Variants in ARHGEF7 observed in about 807,000 individuals in gnomAD.
ARHGEF7 encodes PAK-interacting exchange factor beta.
In ARHGEF7, 33 loss-of-function variants were observed where a neutral mutation model predicts 109.8. That is an observed-to-expected ratio of 0.30 (90% CI 0.23 to 0.40). The LOEUF (loss-of-function observed/expected upper bound fraction) is 0.40. Among genes scored for constraint, ARHGEF7 ranks in the 10% least tolerant of loss-of-function variants. The pLI, the probability that ARHGEF7 is intolerant of heterozygous loss-of-function variation, is 1.00. For missense variants in ARHGEF7, 938 were observed against 1,098.5 expected, an observed-to-expected ratio of 0.85 and a Z score of 2.07; for synonymous variants, 458 against 424.6, an observed-to-expected ratio of 1.08 and a Z score of -0.97.
rs759442241 is a variant in ARHGEF7 at position 111,274,731 on chromosome 13, G to A, written c.1213G>A (p.Asp405Asn). 6.8e-7 allele frequency: 1 copy of A among 1,476,556 alleles called. No individual in the cohort carries two copies. Among genetic ancestry groups the A allele is most frequent in the African/African-American group, 1.5e-5 (1 of 68,686 alleles). 91.5% of individuals were successfully genotyped at this position (1,476,556 alleles called of 1,614,324 possible). A position where few individuals can be genotyped will look rare whatever the true frequency, so the allele number is the denominator to read the frequency against. ...AATTGTATGTTTCTTTTACTCAAAG[G>A]ATTATCATACAGATAGACAAGATAT... ...LLKELERHME[D>N]YHTDRQDIQK... Residue 405 changes from aspartate to asparagine, a missense_variant and splice_region_variant, in exon 11 of 22, where the codon GAT becomes AAT. Asp to Asn is a conservative substitution (Grantham distance 23). Transcript: ENST00000646102.
At chr13:111,295,942 CCT>C (rs1251899825) in intron 19 of ARHGEF7, among the ~76,000 whole-genome samples, 1 of 152,150 alleles carries the variant, frequency 6.6e-6, no homozygotes, top group African/African-American at 2.4e-5. Context: ...ATGAACTTAC[CCT>C]GTTTTTAGGC....
chr13:111,153,281 T>C (rs1208439444), intron 1 of ARHGEF7, among the ~76,000 whole-genome samples: 6 of 152,174 alleles, frequency 3.9e-5, no homozygotes, highest in Admixed American at 6.5e-5. Flanking sequence ...CTGCGTCCAC[T>C]TGGGAGAGGC....
chr13:111,260,985 A>G (rs1033889532), intron 8 of ARHGEF7, among the ~76,000 whole-genome samples: 15 of 152,200 alleles, frequency 9.9e-5, no homozygotes, highest in African/African-American at 2.9e-4. Context: ...GAAACATACA[A>G]TAGATCCATA....
intron 2 of ARHGEF7, among the ~76,000 whole-genome samples, chr13:111,163,403 T>C (rs141273170): frequency 2.6e-5 from 4 of 152,304 alleles, no homozygotes; most frequent in African/African-American, 9.6e-5. Flanking sequence ...ACAGCTAGAC[T>C]TCCCCCTTCG....
chr13:111,201,674 A>T (rs1180302620), intron 2 of ARHGEF7, among the ~76,000 whole-genome samples: 1 of 152,140 alleles, frequency 6.6e-6, no homozygotes, highest in Non-Finnish European at 1.5e-5. Flanking sequence ...TCCTGTCCTC[A>T]AGCATGTTCC....
intron 16 of ARHGEF7, among the ~76,000 whole-genome samples, chr13:111,284,137 AGT>A (rs971568741): frequency 4.6e-5 from 7 of 151,864 alleles, no homozygotes; most frequent in Admixed American, 3.3e-4. Flanking sequence ...TGGCGGTGAG[AGT>A]GTGGGTATCG....
chr13:111,124,402 C>T (rs188608173), intron 1 of ARHGEF7, among the ~76,000 whole-genome samples: 9 of 152,340 alleles, frequency 5.9e-5, no homozygotes, highest in Admixed American at 1.3e-4. Flanking sequence ...CTCCAGCAGC[C>T]GTGAGTCTCT....
At chr13:111,221,179 A>C in intron 5 of ARHGEF7, among the ~76,000 whole-genome samples, 1 of 83,282 alleles carries the variant, frequency 1.2e-5, no homozygotes, top group Non-Finnish European at 2.4e-5. Flanking sequence ...ATCTATATAG[A>C]TATATATGTC....
intron 3 of ARHGEF7, among the ~76,000 whole-genome samples, chr13:111,208,256 TCTG>T (rs1186764055): frequency 5.9e-5 from 9 of 152,180 alleles, no homozygotes; most frequent in African/African-American, 2.2e-4. Flanking sequence ...GTCAGGCTGG[TCTG>T]GAACTCCCAG....
In ARHGEF7 at chr13:111,115,613, C is replaced by T; in HGVS notation, c.87C>T (p.Gly29=). Residue 29 remains glycine, a synonymous_variant, in exon 1 of 22, where the codon GGC becomes GGT. Coordinates refer to ENST00000646102, the MANE Select transcript of ARHGEF7 (RefSeq NM_001354046.2). Reference sequence around the variant, plus strand: ...AAAAAACCATCTCGGACCCGGAGGGCTTTCTGCAGGCGTCGCTGAAGGATG... The same window carrying T: ...AAAAAACCATCTCGGACCCGGAGGGTTTTCTGCAGGCGTCGCTGAAGGATG... ...SPKKTISDPE[G]FLQASLKDGV... The T allele has an allele frequency of 1.4e-6, 2 of 1,413,316 alleles. No individual in the cohort carries two copies. The highest frequency in any genetic ancestry group is 1.4e-5 in the South Asian group (1 of 72,922). The allele number at this position is 1,413,316 out of a possible 1,614,324, so 87.5% of individuals were successfully genotyped here.
At chr13:111,281,156 C>CCA (rs1250108974) in intron 15 of ARHGEF7, 4 of 134,088 alleles carry the variant, frequency 3.0e-5, no homozygotes, top group African/African-American at 1.1e-4. Flanking sequence ...TAGAAAAGCT[C>CCA]AACAAGTCTT....
At chr13:111,192,870 G>A (rs568143569) in intron 2 of ARHGEF7, among the ~76,000 whole-genome samples, 3 of 152,188 alleles carry the variant, frequency 2.0e-5, no homozygotes, top group African/African-American at 7.2e-5. Flanking sequence ...TATCCAATTT[G>A]TAGAGGTATC....
intron 1 of ARHGEF7, among the ~76,000 whole-genome samples, chr13:111,147,287 A>T (rs186707950): frequency 6.6e-6 from 1 of 152,314 alleles, no homozygotes; most frequent in Admixed American, 6.5e-5. Context: ...TTCTAAGCAT[A>T]CCATTTACAC....
intron 8 of ARHGEF7, chr13:111,265,793 G>A: frequency 2.2e-6 from 1 of 451,332 alleles, no homozygotes; most frequent in South Asian, 1.6e-5. Flanking sequence ...TGAGGGAGCT[G>A]TTTTGCCCCT....
intron 19 of ARHGEF7, chr13:111,293,253 C>A (rs1419721148): frequency 2.0e-5 from 20 of 985,240 alleles, no homozygotes; most frequent in Non-Finnish European, 2.4e-5. Context: ...CCCCCGGCTC[C>A]CCACCCCTGA....
At chr13:111,202,491 A>G (rs1270028764) in intron 2 of ARHGEF7, among the ~76,000 whole-genome samples, 1 of 152,192 alleles carries the variant, frequency 6.6e-6, no homozygotes, top group Non-Finnish European at 1.5e-5. Flanking sequence ...CCTGGAGACA[A>G]TGGAATATGG....
At chr13:111,115,730 C>A (rs1305196548) in intron 1 of ARHGEF7, 39 bp downstream of exon 1, 2 of 1,106,968 alleles carry the variant, frequency 1.8e-6, no homozygotes, top group Non-Finnish European at 2.2e-6. Context: ...GCCCCCCGGT[C>A]CGGCCCGCTG....
rs1180781653 is a variant in ARHGEF7, at chr13:111,266,736, C to T, written c.951-812C>T. On this transcript the variant is annotated intron_variant, in intron 8 of 21. Coordinates refer to ENST00000646102, the MANE Select transcript of ARHGEF7 (RefSeq NM_001354046.2). This position sits in a 1 kb window ranked among gnomAD's most constrained non-coding sequence, Gnocchi z 4.8. Reference sequence around the variant, plus strand: ...CATTCCCTAGGTAGGAGGATGTAATCCTTCTGGTAATATTGTGGGTATCTG... The same window carrying T: ...CATTCCCTAGGTAGGAGGATGTAATTCTTCTGGTAATATTGTGGGTATCTG... 6 of 447,496 alleles carry T rather than the reference C, an allele frequency of 1.3e-5. No homozygotes were observed. The highest frequency in any genetic ancestry group is 9.4e-5 in the South Asian group (6 of 64,090). 27.7% of individuals were successfully genotyped at this position (447,496 alleles called of 1,614,324 possible).
At chr13:111,278,883 T>TG (rs1467006275) in intron 13 of ARHGEF7, among the ~76,000 whole-genome samples, 1 of 152,328 alleles carries the variant, frequency 6.6e-6, no homozygotes, top group South Asian at 2.1e-4. Flanking sequence ...GTGTGGCTGG[T>TG]GCTTACACTG....
Sources: allele counts gnomAD v4.1 joint callset (sites outside exome capture counted in the v4.1 genomes callset), GRCh38; gene constraint gnomAD v4.1.1; non-coding constraint Gnocchi (gnomAD v3.1); transcripts MANE v1.5; gene names NCBI Gene and HGNC (gene_info 2026-07-23, HGNC 2026-07-21).